The following KCNN2 variants were observed in gnomAD, a reference collection of about 807,000 sequenced individuals.
KCNN2 encodes potassium calcium-activated channel subfamily N member 2, also known as small conductance calcium-activated potassium channel protein 2.
A neutral mutation model predicts 55.5 loss-of-function variants in KCNN2; 24 were observed. The observed-to-expected ratio is 0.43, with a 90% CI of 0.31 to 0.61. KCNN2 has a LOEUF of 0.61. Ranked by LOEUF, KCNN2 falls within the 20% of genes least tolerant of loss-of-function variation. KCNN2 has a pLI of 0.08. For synonymous variants in KCNN2, 431 were observed against 336.1 expected, an observed-to-expected ratio of 1.28 and a Z score of -3.09; for missense variants, 754 against 853.6, an observed-to-expected ratio of 0.88 and a Z score of 1.45.
chr5:114,128,860 C>T (rs1398449764), intron 1 of KCNN2, among the ~76,000 whole-genome samples: 1 of 152,160 alleles, frequency 6.6e-6, no homozygotes, highest in Non-Finnish European at 1.5e-5. Flanking sequence ...AAGCCTACTC[C>T]AAATTCAGAT....
chr5:114,286,100 G>T (rs909723704), intron 2 of KCNN2, among the ~76,000 whole-genome samples: 2 of 151,928 alleles, frequency 1.3e-5, no homozygotes, highest in Admixed American at 1.3e-4. Flanking sequence ...TGTATTTTTA[G>T]TAGAGACAGG....
intron 1 of KCNN2, among the ~76,000 whole-genome samples, chr5:114,172,146 C>T (rs58315203): frequency 0.013 from 1,962 of 151,942 alleles, 44 homozygotes; most frequent in African/African-American, 0.044. Flanking sequence ...TTCTCAATTT[C>T]GTACAACCCT....
intron 2 of KCNN2, among the ~76,000 whole-genome samples, chr5:114,271,084 C>T (rs1755321074): frequency 6.6e-6 from 1 of 152,114 alleles, no homozygotes; most frequent in African/African-American, 2.4e-5. Flanking sequence ...GCTGCTGGCT[C>T]AGGTGGCCAG....
intron 3 of KCNN2, among the ~76,000 whole-genome samples, chr5:114,427,609 G>T (rs1266153381): frequency 6.6e-6 from 1 of 152,194 alleles, no homozygotes; most frequent in Non-Finnish European, 1.5e-5. Flanking sequence ...CACTATACAA[G>T]AATATTCTTC....
At chr5:114,433,997 A>C (rs560499967) in intron 3 of KCNN2, 86 of 152,300 alleles carry the variant, frequency 5.6e-4, no homozygotes, top group African/African-American at 1.9e-3. Context: ...TTGATGTTTA[A>C]AGTGATTATT....
chr5:114,494,177 A>G (rs1275571816), intron 7 of KCNN2, among the ~76,000 whole-genome samples: 1 of 151,994 alleles, frequency 6.6e-6, no homozygotes, highest in Non-Finnish European at 1.5e-5. Flanking sequence ...TAAAGGTGGT[A>G]TTAGAATAGC....
At chr5:114,080,285 C>A (rs1281981751) in intron 1 of KCNN2, among the ~76,000 whole-genome samples, 2 of 152,168 alleles carry the variant, frequency 1.3e-5, no homozygotes, top group African/African-American at 4.8e-5. Context: ...CATTCCTGTT[C>A]TGATTTTGCT....
chr5:114,290,735 A>G (rs1282754882), intron 2 of KCNN2, among the ~76,000 whole-genome samples: 2 of 152,092 alleles, frequency 1.3e-5, no homozygotes, highest in Non-Finnish European at 2.9e-5. Context: ...CTATAAATTT[A>G]CCTCTGAACA....
intron 2 of KCNN2, among the ~76,000 whole-genome samples, chr5:114,271,075 C>T (rs1470576789): frequency 6.6e-6 from 1 of 152,148 alleles, no homozygotes; most frequent in Non-Finnish European, 1.5e-5. Context: ...TGGGTTGCTG[C>T]TGCTGGCTCA....
chr5:114,245,774 C>A (rs960340772), intron 2 of KCNN2, among the ~76,000 whole-genome samples: 1 of 152,116 alleles, frequency 6.6e-6, no homozygotes, highest in East Asian at 1.9e-4. Flanking sequence ...GAAAGGAAGG[C>A]TGAAAAATTT....
intron 2 of KCNN2, among the ~76,000 whole-genome samples, chr5:114,378,400 T>C (rs999381567): frequency 3.3e-5 from 5 of 152,304 alleles, no homozygotes; most frequent in Non-Finnish European, 7.3e-5. Context: ...TGAAAGTGTT[T>C]GTTCTATCTT....
At chr5:114,076,894 C>T (rs897736634) in intron 1 of KCNN2, among the ~76,000 whole-genome samples, 2 of 152,040 alleles carry the variant, frequency 1.3e-5, no homozygotes, top group Non-Finnish European at 2.9e-5. Flanking sequence ...GGGGTTTCAC[C>T]GTGTTAGCCA....
Position 114,362,567 on chromosome 5 carries a change from A to C in KCNN2, c.428A>C (p.Tyr143Ser), listed in dbSNP as rs373945997. ...CATGCCAGTGCGCTCCGGCAGCAGT[A>C]CGCGCAGCAGTCCGCGCAGCAGTCG... Reference protein sequence around the residue: ...SSHASALRQQYAQQSAQQSAS... With the variant: ...SSHASALRQQSAQQSAQQSAS... Residue 143 changes from tyrosine to serine, a missense_variant, in exon 1 of 8, where the codon TAC (tyrosine) becomes TCC (serine). By Grantham distance (144) the Tyr-to-Ser change is moderately radical. This residue lies in a region of KCNN2 where 381 missense variants were observed against 259.1 expected (regional missense o/e 1.47). Transcript: ENST00000673685. 1,652 of 643,622 alleles carry C rather than the reference A, an allele frequency of 2.6e-3. 45 individuals carry two copies. In the South Asian group the frequency reaches 0.031, roughly 12 times the overall value. The allele number at this position is 643,622 out of a possible 1,614,324, so 39.9% of individuals were successfully genotyped here. A position where few individuals can be genotyped will look rare whatever the true frequency, so the allele number is the denominator to read the frequency against.
At chr5:114,410,099 G>T (rs576566681) in intron 3 of KCNN2, among the ~76,000 whole-genome samples, 1 of 152,142 alleles carries the variant, frequency 6.6e-6, no homozygotes, top group Non-Finnish European at 1.5e-5. Context: ...GCTGCTAAGC[G>T]ATCTCATGTT....
chr5:114,328,951 T>A (rs1358260686), intron 2 of KCNN2, among the ~76,000 whole-genome samples: 1 of 152,214 alleles, frequency 6.6e-6, no homozygotes, highest in African/African-American at 2.4e-5. Flanking sequence ...CAATCCTTAA[T>A]TATGTTCCCA....
At chr5:114,265,056 G>T (rs905478042) in intron 2 of KCNN2, among the ~76,000 whole-genome samples, 1 of 152,104 alleles carries the variant, frequency 6.6e-6, no homozygotes, top group Admixed American at 6.5e-5. Context: ...GCTTGATTGG[G>T]ATAAAGCACT....
intron 2 of KCNN2, among the ~76,000 whole-genome samples, chr5:114,309,161 T>C (rs1349034198): frequency 6.6e-6 from 1 of 152,222 alleles, no homozygotes; most frequent in Admixed American, 6.5e-5. Context: ...TATTCACTTA[T>C]GTCTATTTGA....
intron 3 of KCNN2, among the ~76,000 whole-genome samples, chr5:114,443,484 C>A (rs764000974): frequency 2.0e-5 from 3 of 152,134 alleles, no homozygotes; most frequent in African/African-American, 4.8e-5. Flanking sequence ...CTAAATGCTT[C>A]GTTGGGATTA....
intron 2 of KCNN2, among the ~76,000 whole-genome samples, chr5:114,322,600 C>CAT (rs1561570701): frequency 6.6e-6 from 1 of 151,142 alleles, no homozygotes; most frequent in African/African-American, 2.5e-5. Flanking sequence ...CACACACACA[C>CAT]ACACATACAC....
Sources: allele counts gnomAD v4.1 joint callset (sites outside exome capture counted in the v4.1 genomes callset), GRCh38; gene constraint gnomAD v4.1.1; regional missense constraint gnomAD v4.1.1; transcripts MANE v1.5; gene names NCBI Gene and HGNC (gene_info 2026-07-23, HGNC 2026-07-21).